FHAD1: variants seen among roughly 807,000 people sequenced by gnomAD.
FHAD1 encodes the protein forkhead-associated domain-containing protein 1.
A neutral mutation model predicts 191.3 loss-of-function variants in FHAD1; 146 were observed. The ratio of observed to expected loss-of-function variants is 0.76; its 90% CI spans 0.67 to 0.88. The LOEUF (loss-of-function observed/expected upper bound fraction) is 0.88, where lower values mean the gene tolerates loss of function less well. Ranked by LOEUF, FHAD1 falls within the 40% of genes least tolerant of loss-of-function variation. The pLI is 0.00. For missense variants in FHAD1, 1,635 were observed against 1,785.8 expected, an observed-to-expected ratio of 0.92 and a Z score of 1.52; for synonymous variants, 616 against 672.3, an observed-to-expected ratio of 0.92 and a Z score of 1.29.
Position 15,312,331 on chromosome 1 carries a change from C to G in FHAD1, c.1040-726C>G, listed in dbSNP as rs1428892183. 2 of 152,258 alleles carry G rather than the reference C, an allele frequency of 1.3e-5. No individual in the cohort carries two copies. Among genetic ancestry groups the G allele is most frequent in the Non-Finnish European group, 2.9e-5 (2 of 68,092 alleles). The allele number at this position is 152,258 out of a possible 1,614,324, so 9.4% of individuals were successfully genotyped here. A position where few individuals can be genotyped will look rare whatever the true frequency, so the allele number is the denominator to read the frequency against. Reference sequence around the variant, plus strand: ...ACTCTACTATGTTCTTTATACAACTCTGTAGATACAATGAGAGGTTAAATA... The same window carrying G: ...ACTCTACTATGTTCTTTATACAACTGTGTAGATACAATGAGAGGTTAAATA... On this transcript the variant is annotated intron_variant, in intron 7 of 33. Transcript: ENST00000688493. The surrounding 1 kb of genome is among the most constrained non-coding windows in gnomAD (Gnocchi z 4.7).
In FHAD1 at chr1:15,253,585, A is replaced by G. The variant is rs563287751; in HGVS notation, c.93+1708A>G. Among the ~76,000 whole-genome samples, 13 of 152,276 alleles carry G rather than the reference A, an allele frequency of 8.5e-5. No homozygotes were observed. The South Asian group carries it at 2.5e-3, about 29-fold the overall frequency. On this transcript the variant is annotated intron_variant, in intron 2 of 33. Transcript: ENST00000688493. ...TTTCTCCTTTTTTGTTTGTGATGGT[A>G]AATGGTATTATACTTTAAATTTCAG...
intron 3 of FHAD1, 62 bp downstream of exon 3, chr1:15,272,591 A>G: frequency 6.9e-7 from 1 of 1,443,508 alleles, no homozygotes; most frequent in Non-Finnish European, 9.4e-7. Context: ...CGGCGCTCGG[A>G]TGCAGCTGCA....
rs533577060 is a variant in FHAD1, at chr1:15,398,260, G to C, written c.*847G>C. On this transcript the variant is annotated 3_prime_UTR_variant, in exon 34 of 34. Transcript: ENST00000688493. ...CAACTGCACTCTAGCCTGAGTGACAGAGCAAGACTCCATCTCAAAAAAAAA... is the reference window on the plus strand; with the variant it reads ...CAACTGCACTCTAGCCTGAGTGACACAGCAAGACTCCATCTCAAAAAAAAA... 171 of 137,142 alleles carry C rather than the reference G, an allele frequency of 1.2e-3. No individual in the cohort carries two copies. The highest frequency in any genetic ancestry group is 4.3e-3 in the African/African-American group (156 of 36,486). The allele number at this position is 137,142 out of a possible 1,614,324, so 8.5% of individuals were successfully genotyped here. A position where few individuals can be genotyped will look rare whatever the true frequency, so the allele number is the denominator to read the frequency against.
chr1:15,379,202 T>C (rs1443014092), intron 28 of FHAD1, among the ~76,000 whole-genome samples: 3 of 152,218 alleles, frequency 2.0e-5, no homozygotes, highest in Non-Finnish European at 4.4e-5. Flanking sequence ...TGATCATTCG[T>C]GGGTGTTTCT....
chr1:15,302,811 C>A (rs943722248), intron 6 of FHAD1, among the ~76,000 whole-genome samples: 12 of 152,212 alleles, frequency 7.9e-5, no homozygotes, highest in Non-Finnish European at 4.4e-5. Flanking sequence ...CTCAGTGCAT[C>A]ATGCTGGTTA....
chr1:15,268,484 G>A (rs1270926399), intron 2 of FHAD1, among the ~76,000 whole-genome samples: 2 of 123,818 alleles, frequency 1.6e-5, no homozygotes, highest in African/African-American at 2.8e-5. Context: ...ATAGCAGCGC[G>A]ATTTATAGTC....
intron 3 of FHAD1, 65 bp downstream of exon 3, chr1:15,272,594 C>A: frequency 7.0e-7 from 1 of 1,429,066 alleles, no homozygotes; most frequent in Non-Finnish European, 9.5e-7. Flanking sequence ...CGCTCGGATG[C>A]AGCTGCAGGG....
chr1:15,346,964 T>G (rs1324462183), intron 18 of FHAD1, among the ~76,000 whole-genome samples: 1 of 152,226 alleles, frequency 6.6e-6, no homozygotes, highest in African/African-American at 2.4e-5. Context: ...TTCTTCTGTT[T>G]GGGCATTTGT....
Position 15,318,538 on chromosome 1 carries a change from G to T in FHAD1, c.1365+610G>T, listed in dbSNP as rs558181098. On this transcript the variant is annotated intron_variant, in intron 10 of 33. Coordinates refer to ENST00000688493, the MANE Select transcript of FHAD1 (RefSeq NM_001391957.1). The surrounding 1 kb of genome is among the most constrained non-coding windows in gnomAD (Gnocchi z 4.1). ...AATTCCAGCCACTCAGGAGGCTGAG[G>T]CAGGAGAATCACTTGAACCTGGGAG... Among the ~76,000 whole-genome samples the T allele has an allele frequency of 5.3e-5, 8 of 152,248 alleles. No homozygotes were observed. The highest frequency in any genetic ancestry group is 1.9e-4 in the African/African-American group (8 of 41,542).
At chr1:15,345,899 C>T (rs1688747149) in intron 18 of FHAD1, among the ~76,000 whole-genome samples, 1 of 152,144 alleles carries the variant, frequency 6.6e-6, no homozygotes, top group Non-Finnish European at 1.5e-5. Context: ...AGCCTCCAGC[C>T]TTCAGCACCA....
chr1:15,380,722 G>A lies in FHAD1; in HGVS notation c.3727G>A (p.Ala1243Thr), dbSNP rs564119298. ...TCAGCCTCAGAATGGCCTTTGCAACGCAAGGTTCGGCTCAGCCATGGAGAA... is the reference window on the plus strand; with the variant it reads ...TCAGCCTCAGAATGGCCTTTGCAACACAAGGTTCGGCTCAGCCATGGAGAA... ...ILAPQNGLCN[A>T]RFGSAMEKSG... is the part of the protein sequence containing the mutation. Residue 1243 changes from alanine (A) to threonine (T), a missense_variant, in exon 29 of 34, where the codon GCA becomes ACA. By Grantham distance (58) the Ala-to-Thr change is moderately conservative. Coordinates refer to ENST00000688493, the MANE Select transcript of FHAD1 (RefSeq NM_001391957.1). 22 of 1,551,646 alleles carry A rather than the reference G, an allele frequency of 1.4e-5. No individual in the cohort carries two copies. Among genetic ancestry groups the A allele is most frequent in the African/African-American group, 1.1e-4 (8 of 73,154 alleles).
At chr1:15,243,479 C>G (rs571016730), upstream of FHAD1, among the ~76,000 whole-genome samples, 1 of 152,174 alleles carries the variant, frequency 6.6e-6, no homozygotes, top group Non-Finnish European at 1.5e-5. Context: ...CTCTCCTGGC[C>G]GCGGCTGGGG....
chr1:15,372,188 G>A (rs1373405331), intron 26 of FHAD1, among the ~76,000 whole-genome samples: 1 of 150,572 alleles, frequency 6.6e-6, no homozygotes, highest in Non-Finnish European at 1.5e-5. Context: ...AGGAGACCTG[G>A]AGCAGAGCCA....
At chr1:15,296,606 G>T (rs1480078553) in intron 4 of FHAD1, 78 bp from the exon 5 acceptor site, 2 of 1,230,732 alleles carry the variant, frequency 1.6e-6, no homozygotes, top group Non-Finnish European at 1.2e-6. Flanking sequence ...CAAACAGGAA[G>T]GCTAACGTGA....
In FHAD1 at chr1:15,276,646, CA is replaced by C. The variant is rs996048892; in HGVS notation, c.300+4123del. Among the ~76,000 whole-genome samples, 1 of 152,086 alleles carries C rather than the reference CA, an allele frequency of 6.6e-6. No individual in the cohort carries two copies. The highest frequency in any genetic ancestry group is 2.4e-5 in the African/African-American group (1 of 41,410). On this transcript the variant is annotated intron_variant, in intron 3 of 33. Coordinates refer to ENST00000688493, the MANE Select transcript of FHAD1 (RefSeq NM_001391957.1). The surrounding 1 kb of genome is among the most constrained non-coding windows in gnomAD (Gnocchi z 4.7). ...TGAAACCCCATGTCTACCCAAAACA[CA>C]AAAAATTAGCCAGGCGTGGTGGCAC...
At chr1:15,383,135 G>C in intron 31 of FHAD1, 1 of 471,630 alleles carries the variant, frequency 2.1e-6, no homozygotes, top group Non-Finnish European at 4.4e-6. Flanking sequence ...TTGCCTCTCT[G>C]AGCCTTGCTT....
At chr1:15,272,249 C>G (rs915869642) in intron 2 of FHAD1, 74 bp from the exon 3 acceptor site, 1 of 1,355,628 alleles carries the variant, frequency 7.4e-7, no homozygotes, top group African/African-American at 1.4e-5. Flanking sequence ...ACAGGTAAGG[C>G]ACTCAGCTCA....
chr1:15,388,525 G>T, intron 32 of FHAD1: 1 of 362,354 alleles, frequency 2.8e-6, no homozygotes, highest in East Asian at 1.2e-4. Flanking sequence ...CCTAAGAGAA[G>T]AAAGAAGGGA....
intron 18 of FHAD1, among the ~76,000 whole-genome samples, chr1:15,346,138 G>A (rs982410138): frequency 2.0e-5 from 3 of 152,086 alleles, no homozygotes; most frequent in African/African-American, 7.2e-5. Flanking sequence ...GCTCCTCCCC[G>A]GGCCCAAGCG....
Sources: allele counts gnomAD v4.1 joint callset (sites outside exome capture counted in the v4.1 genomes callset), GRCh38; gene constraint gnomAD v4.1.1; non-coding constraint Gnocchi (gnomAD v3.1); transcripts MANE v1.5; gene names NCBI Gene and HGNC (gene_info 2026-07-23, HGNC 2026-07-21).